GPHN: variants seen among roughly 807,000 people sequenced by gnomAD.
The protein encoded by GPHN is gephyrin.
A neutral mutation model predicts 95.5 loss-of-function variants in GPHN; 17 were observed. The ratio of observed to expected loss-of-function variants is 0.18; its 90% CI spans 0.12 to 0.27. The LOEUF (loss-of-function observed/expected upper bound fraction) is 0.27, where lower values mean the gene tolerates loss of function less well. Ranked by LOEUF, GPHN falls within the 10% of genes least tolerant of loss-of-function variation. GPHN has a pLI of 1.00. For missense variants in GPHN, 660 were observed against 978.1 expected, an observed-to-expected ratio of 0.67 and a Z score of 4.34; for synonymous variants, 320 against 322.5, an observed-to-expected ratio of 0.99 and a Z score of 0.08.
intron 9 of GPHN, among the ~76,000 whole-genome samples, chr14:67,021,228 C>T (rs1310799972): frequency 6.6e-6 from 1 of 152,060 alleles, no homozygotes; most frequent in Non-Finnish European, 1.5e-5. Context: ...GATTTATACA[C>T]ACACACATAC....
At chr14:67,485,693 G>C in the GPHN span, among the ~76,000 whole-genome samples, 1 of 152,234 alleles carries the variant, frequency 6.6e-6, no homozygotes, top group Non-Finnish European at 1.5e-5. Context: ...TGGGGGTTGG[G>C]AAAGCAGCCA....
At chr14:66,530,660 G>T (rs2058885365) in intron 1 of GPHN, among the ~76,000 whole-genome samples, 1 of 152,198 alleles carries the variant, frequency 6.6e-6, no homozygotes, top group African/African-American at 2.4e-5. Context: ...CTGAGCCTGA[G>T]TGCACAGTTC....
intron 12 of GPHN, among the ~76,000 whole-genome samples, chr14:67,095,364 A>C (rs2077318768): frequency 6.6e-6 from 1 of 152,208 alleles, no homozygotes; most frequent in African/African-American, 2.4e-5. Context: ...TGTGGAAGTC[A>C]GTGTGGCGAT....
intron 4 of GPHN, among the ~76,000 whole-genome samples, chr14:66,866,354 T>C (rs1938803768): frequency 6.6e-6 from 1 of 152,082 alleles, no homozygotes; most frequent in Admixed American, 6.6e-5. Flanking sequence ...ATGTTAACAA[T>C]CCATAGGAAT....
chr14:67,383,622 A>C, the GPHN span: 1 of 776,046 alleles, frequency 1.3e-6, no homozygotes, highest in Non-Finnish European at 2.0e-6. Flanking sequence ...CTGTTGTCAC[A>C]CAGTAGCTCC....
At chr14:67,381,073 CAT>C in the GPHN span, among the ~76,000 whole-genome samples, 1 of 152,134 alleles carries the variant, frequency 6.6e-6, no homozygotes, top group Non-Finnish European at 1.5e-5. Context: ...AAAGATGAGA[CAT>C]ACCATGCGGA....
At chr14:67,578,712 G>A in the GPHN span, 1 of 907,892 alleles carries the variant, frequency 1.1e-6, no homozygotes, top group Non-Finnish European at 1.8e-6. This position sits in a 1 kb window ranked among gnomAD's most constrained non-coding sequence, Gnocchi z 5.0. Flanking sequence ...GGAGTCTAGG[G>A]CAGACCAGAT....
the GPHN span, among the ~76,000 whole-genome samples, chr14:67,667,278 T>C: frequency 1.4e-4 from 21 of 152,326 alleles, no homozygotes; most frequent in African/African-American, 4.8e-4. Flanking sequence ...CCCTTTAAAG[T>C]TGTGGAAACA....
At chr14:66,554,445 A>G (rs190403382) in intron 1 of GPHN, among the ~76,000 whole-genome samples, 1 of 152,334 alleles carries the variant, frequency 6.6e-6, no homozygotes, top group Non-Finnish European at 1.5e-5. Flanking sequence ...ATGGCTAGGG[A>G]GGCCTCAGGA....
chr14:66,766,390 G>A (rs950696770), intron 2 of GPHN, among the ~76,000 whole-genome samples: 1 of 152,072 alleles, frequency 6.6e-6, no homozygotes, highest in African/African-American at 2.4e-5. Flanking sequence ...CACTTTAGGA[G>A]TGAAGGCAAA....
At chr14:67,445,577 C>CTTTTTTTTTTT in the GPHN span, among the ~76,000 whole-genome samples, 60 of 59,934 alleles carry the variant, frequency 1.0e-3, 11 homozygotes, top group African/African-American at 3.6e-3. Flanking sequence ...AGAGGCAATT[C>CTTTTTTTTTTT]TTTTTTTTTT....
chr14:66,655,953 G>A (rs1195049895), intron 1 of GPHN, among the ~76,000 whole-genome samples: 2 of 152,042 alleles, frequency 1.3e-5, no homozygotes, highest in African/African-American at 4.8e-5. Flanking sequence ...GCACCATTTA[G>A]TCACGATATA....
chr14:67,023,590 A>T (rs762869820), intron 9 of GPHN, 43 bp from the exon 10 acceptor site: 62 of 1,555,890 alleles, frequency 4.0e-5, no homozygotes, highest in Non-Finnish European at 5.5e-5. Flanking sequence ...CTGCCTATTC[A>T]TGCTATAAAC....
At chr14:66,897,073 T>A (rs993634291) in intron 5 of GPHN, among the ~76,000 whole-genome samples, 3 of 152,148 alleles carry the variant, frequency 2.0e-5, no homozygotes, top group African/African-American at 7.2e-5. Context: ...GATGGTAATA[T>A]AATTGTAGAT....
intron 4 of GPHN, among the ~76,000 whole-genome samples, chr14:66,837,845 C>T (rs914770874): frequency 3.3e-5 from 5 of 151,584 alleles, no homozygotes; most frequent in African/African-American, 7.3e-5. Context: ...AATTGTATAC[C>T]TACTCTATGT....
chr14:67,136,837 T>G (rs1290068826), intron 17 of GPHN, among the ~76,000 whole-genome samples: 1 of 152,160 alleles, frequency 6.6e-6, no homozygotes, highest in Admixed American at 6.5e-5. Context: ...AGGTATTTAA[T>G]TATTCAAATG....
At chr14:67,292,122 A>C in the GPHN span, among the ~76,000 whole-genome samples, 1 of 152,198 alleles carries the variant, frequency 6.6e-6, no homozygotes, top group Non-Finnish European at 1.5e-5. Context: ...TAAATATTTA[A>C]AAAGACTAGT....
At chr14:67,427,468 T>G in the GPHN span, among the ~76,000 whole-genome samples, 12 of 152,140 alleles carry the variant, frequency 7.9e-5, no homozygotes, top group Non-Finnish European at 1.6e-4. Flanking sequence ...CAGGCCACCT[T>G]TGTCAGGGGC....
At chr14:66,573,019 T>C (rs1244042521) in intron 1 of GPHN, among the ~76,000 whole-genome samples, 1 of 152,226 alleles carries the variant, frequency 6.6e-6, no homozygotes, top group Non-Finnish European at 1.5e-5. Flanking sequence ...CACATAGTTG[T>C]GGTTTCCTAC....
Sources: gnomAD v4.1 joint callset for allele counts (sites outside exome capture counted in the v4.1 genomes callset) on GRCh38, gnomAD v4.1.1 for gene constraint, Gnocchi (gnomAD v3.1) non-coding constraint, MANE v1.5 for transcripts, NCBI Gene and HGNC (gene_info 2026-07-23, HGNC 2026-07-21) for gene names.